Variants in IGDCC4 observed in about 807,000 individuals in gnomAD.
The protein encoded by IGDCC4 is immunoglobulin superfamily DCC subclass member 4.
IGDCC4 carries 72 observed loss-of-function variants against 116.6 expected under a neutral mutation model. The ratio of observed to expected loss-of-function variants is 0.62; its 90% confidence interval spans 0.51 to 0.75. IGDCC4 has a LOEUF of 0.75. Ranked by LOEUF, IGDCC4 falls within the 30% of genes least tolerant of loss-of-function variation. The pLI is 0.00. For missense variants in IGDCC4, 1,501 were observed against 1,662.4 expected (o/e 0.90, Z 1.69); for synonymous variants, 709 against 719.9 (o/e 0.98, Z 0.24).
chr15:65,395,923 A>G lies in IGDCC4; in HGVS notation c.1238T>C (p.Met413Thr). The G allele has an allele frequency of 2.5e-6, 4 of 1,591,786 alleles. No homozygotes were observed. Among genetic ancestry groups the G allele is most frequent in the South Asian group, 1.1e-5 (1 of 89,506 alleles). Reference protein sequence around the residue: ...YQCVAENSAGMACAAASLAVV... With the variant: ...YQCVAENSAGTACAAASLAVV... ...GGCCAGCGACGCGGCAGCGCACGCCATTCCCGCGCTGTTCTCAGCCACGCA... is the reference window on the plus strand; with the variant it reads ...GGCCAGCGACGCGGCAGCGCACGCCGTTCCCGCGCTGTTCTCAGCCACGCA... Residue 413 changes from methionine (M) to threonine (T), a missense_variant, in exon 7 of 20, where the codon ATG becomes ACG. Around this residue, in one of 3 missense-constraint regions of IGDCC4, gnomAD observed 898 missense variants for 978.9 expected, o/e 0.92. Transcript: ENST00000352385.
chr15:65,390,362 G>A (rs767978886), intron 12 of IGDCC4, 24 bp from the exon 13 acceptor site: 2 of 1,552,516 alleles, frequency 1.3e-6, no homozygotes, highest in Admixed American at 3.4e-5. Flanking sequence ...ACTAGAGTGT[G>A]AGGAAGGGAG....
chr15:65,412,046 G>A (rs582330), intron 1 of IGDCC4, among the ~76,000 whole-genome samples: 54,769 of 151,898 alleles, frequency 0.36, 13,232 homozygotes, highest in African/African-American at 0.7. Context: ...GAGAGACTCC[G>A]TCTCTACAGA....
chr15:65,412,944 TACACAC>T (rs10563998), intron 1 of IGDCC4, among the ~76,000 whole-genome samples: 2 of 147,656 alleles, frequency 1.4e-5, no homozygotes, highest in Admixed American at 6.7e-5. Context: ...TCTCTCTCTG[TACACAC>T]ACACACACAC....
chr15:65,410,973 CAA>C, intron 2 of IGDCC4, 45 bp downstream of exon 2: 1 of 1,504,100 alleles, frequency 6.6e-7, no homozygotes, highest in Non-Finnish European at 9.0e-7. Context: ...TCGCACACCC[CAA>C]GTCTGGGTTT....
rs538944538 is a variant in IGDCC4, at chr15:65,383,105, G to C, written c.*904C>G. 1.3e-5 allele frequency: 2 copies of C among 153,070 alleles called. No individual in the cohort carries two copies. The highest frequency in any genetic ancestry group is 1.3e-4 in the Admixed American group (2 of 15,284). The allele number at this position is 153,070 out of a possible 1,614,324, so 9.5% of individuals were successfully genotyped here. A position where few individuals can be genotyped will look rare whatever the true frequency, so the allele number is the denominator to read the frequency against. Reference sequence around the variant, plus strand: ...AAGAGGAGGCAGGAGGATGGCAGGCGAGTGCGCGGCAGCCGCGGATACAGG... The same window carrying C: ...AAGAGGAGGCAGGAGGATGGCAGGCCAGTGCGCGGCAGCCGCGGATACAGG... On this transcript the variant is annotated 3_prime_UTR_variant, in exon 20 of 20. Transcript: ENST00000352385.
chr15:65,385,351 CG>C, intron 18 of IGDCC4: 1 of 568,882 alleles, frequency 1.8e-6, no homozygotes, highest in East Asian at 3.1e-5. Flanking sequence ...CTGCAAAGCC[CG>C]CGGTGTCCGA....
At chr15:65,416,328 G>A (rs1368631824) in intron 1 of IGDCC4, among the ~76,000 whole-genome samples, 22 of 151,720 alleles carry the variant, frequency 1.5e-4, no homozygotes, top group Middle Eastern at 6.8e-3. Flanking sequence ...TAGTAGAGAC[G>A]GGGTTTCACC....
At chr15:65,404,285 C>T (rs573987573) in intron 3 of IGDCC4, among the ~76,000 whole-genome samples, 1 of 152,198 alleles carries the variant, frequency 6.6e-6, no homozygotes, top group African/African-American at 2.4e-5. Flanking sequence ...CAGCCTCTCA[C>T]CCTCAGCTCC....
rs1567080612 is a variant in IGDCC4 at position 65,388,756 on chromosome 15, CG to C, written c.2707+51del. Reference sequence around the variant, plus strand: ...CCAGCACTGTTCTCACTGCTGGAAGCGGGAGAGGCTGGGAAGCTCTTGAGCA... The same window carrying C: ...CCAGCACTGTTCTCACTGCTGGAAGCGGAGAGGCTGGGAAGCTCTTGAGCA... On this transcript the variant is annotated intron_variant, in intron 15 of 19. Coordinates refer to ENST00000352385, the MANE Select transcript of IGDCC4 (RefSeq NM_020962.3). 1.9e-6 allele frequency: 3 copies of C among 1,609,262 alleles called. No individual in the cohort carries two copies. The African/African-American group carries it at 4.0e-5, about 21-fold the overall frequency.
intron 1 of IGDCC4, among the ~76,000 whole-genome samples, chr15:65,415,991 G>A (rs1215406334): frequency 1.3e-5 from 2 of 152,108 alleles, no homozygotes; most frequent in African/African-American, 2.4e-5. Context: ...ATGACCTTGT[G>A]TGAGCTACTT....
At chr15:65,389,187 C>T in intron 14 of IGDCC4, 97 bp downstream of exon 14, 1 of 1,532,398 alleles carries the variant, frequency 6.5e-7, no homozygotes, top group Non-Finnish European at 8.8e-7. Context: ...CCCAGCTCTG[C>T]CCAAACCTTG....
intron 1 of IGDCC4, among the ~76,000 whole-genome samples, chr15:65,412,511 C>CAAAAAAAAAAAAAA: frequency 6.0e-5 from 1 of 16,720 alleles, no homozygotes; most frequent in Non-Finnish European, 1.2e-4. Context: ...GATTCCATCT[C>CAAAAAAAAAAAAAA]AAAAAAAAAA....
rs923895246 is a variant in IGDCC4 at position 65,383,309 on chromosome 15, G to A, written c.*700C>T. 6.5e-6 allele frequency: 1 copy of A among 153,198 alleles called. No homozygotes were observed. Among genetic ancestry groups the A allele is most frequent in the Non-Finnish European group, 1.5e-5 (1 of 68,454 alleles). The allele number at this position is 153,198 out of a possible 1,614,324, so 9.5% of individuals were successfully genotyped here. On this transcript the variant is annotated 3_prime_UTR_variant, in exon 20 of 20. Coordinates refer to ENST00000352385, the MANE Select transcript of IGDCC4 (RefSeq NM_020962.3). ...TATCTGGGAGCAGGAGAAGGGCACT[G>A]GTGCTGGGAGAGCGAGGTGACTGGG...
chr15:65,384,409 C>T lies in IGDCC4; in HGVS notation c.3353G>A (p.Arg1118Lys). ...LVYDAIKGNGRKKSPPACRNQ... is the reference protein window; with the variant it reads ...LVYDAIKGNGKKKSPPACRNQ... ...CCTGCAGGCTGGGGGTGACTTCTTC[C>T]TCCCATTGCCCTGATCAGAGCAGAG... is the stretch of plus-strand genomic sequence containing the variant. Residue 1118 changes from arginine to lysine, a missense_variant, in exon 20 of 20, where the codon AGG becomes AAG. Coordinates refer to ENST00000352385, the MANE Select transcript of IGDCC4 (RefSeq NM_020962.3). This position sits in a 1 kb window ranked among gnomAD's most constrained non-coding sequence, Gnocchi z 4.9. 6.6e-7 allele frequency: 1 copy of T among 1,514,602 alleles called. No individual in the cohort carries two copies. The highest frequency in any genetic ancestry group is 1.3e-5 in the South Asian group (1 of 76,368). The allele number at this position is 1,514,602 out of a possible 1,614,324, so 93.8% of individuals were successfully genotyped here.
chr15:65,389,530 G>A (rs760859880), intron 13 of IGDCC4, 119 bp from the exon 14 acceptor site: 2 of 1,411,504 alleles, frequency 1.4e-6, no homozygotes, highest in Non-Finnish European at 2.0e-6. Context: ...GGGAAGGGAA[G>A]CTGCTCCCTG....
At position 65,410,490 on chromosome 15, in the gene IGDCC4, G is replaced by A. The variant is rs549743204; in HGVS notation, c.422-171C>T. The stretch of plus-strand genomic sequence containing the variant: ...GACACAACAAGAAGTGGTGATTAGC[G>A]GTCAGATACTGCCAGCAGAATGAAT... On this transcript the variant is annotated intron_variant, in intron 2 of 19. Coordinates refer to ENST00000352385, the MANE Select transcript of IGDCC4 (RefSeq NM_020962.3). The A allele has an allele frequency of 2.2e-4, 156 of 704,572 alleles. 1 individual carries two copies. Among genetic ancestry groups the A allele is most frequent in the South Asian group, 6.4e-4 (35 of 54,576 alleles). The allele number at this position is 704,572 out of a possible 1,614,324, so 43.6% of individuals were successfully genotyped here.
Position 65,396,891 on chromosome 15 carries a change from C to A in IGDCC4, c.940G>T (p.Ala314Ser), listed in dbSNP as rs1488005716. The change falls in exon 6 of 20, where the codon GCC (alanine) becomes TCC (serine). Residue 314 changes from alanine to serine, a missense_variant. Around this residue, in one of 3 missense-constraint regions of IGDCC4, gnomAD observed 898 missense variants for 978.9 expected, o/e 0.92. Transcript: ENST00000352385. ...AAGTCGCGCGTGCGGGGCTTGTTGG[C>A]GCGGCAGACATAGACGCCGGAGTGC... is the stretch of plus-strand genomic sequence containing the variant. The part of the protein sequence containing the change: ...PWHSGVYVCR[A>S]NKPRTRDFAT... 2 of 1,576,034 alleles carry A rather than the reference C, an allele frequency of 1.3e-6. No homozygotes were observed. The highest frequency in any genetic ancestry group is 1.7e-6 in the Non-Finnish European group (2 of 1,160,874).
At chr15:65,417,956 G>A (rs571459239) in intron 1 of IGDCC4, among the ~76,000 whole-genome samples, 2 of 152,258 alleles carry the variant, frequency 1.3e-5, no homozygotes, top group South Asian at 4.1e-4. Flanking sequence ...TTGGGGTTAT[G>A]TCTTAGCTTT....
chr15:65,395,899 G>A lies in IGDCC4; in HGVS notation c.1262C>T (p.Ala421Val). ...AGMACAAASL[A>V]VVVREGLPSA... ...GGGCAGCCCCTCGCGCACCACCACG[G>A]CCAGCGACGCGGCAGCGCACGCCAT... Residue 421 changes from alanine to valine, a missense_variant, in exon 7 of 20, where the codon GCC becomes GTC. Ala to Val is a moderately conservative substitution (Grantham distance 64, BLOSUM62 0). Coordinates refer to ENST00000352385, the MANE Select transcript of IGDCC4 (RefSeq NM_020962.3). The A allele has an allele frequency of 6.3e-7, 1 of 1,589,534 alleles. No individual in the cohort carries two copies. The highest frequency in any genetic ancestry group is 1.3e-5 in the African/African-American group (1 of 74,468).
Sources: gnomAD v4.1 joint callset for allele counts (sites outside exome capture counted in the v4.1 genomes callset) on GRCh38, gnomAD v4.1.1 for gene constraint, gnomAD v4.1.1 regional missense constraint, Gnocchi (gnomAD v3.1) non-coding constraint, MANE v1.5 for transcripts, NCBI Gene and HGNC (gene_info 2026-07-23, HGNC 2026-07-21) for gene names.